Variants in ESRRG observed in about 807,000 individuals in gnomAD.
The protein encoded by ESRRG is estrogen-related receptor gamma.
Under a neutral mutation model 44.0 loss-of-function variants are expected in ESRRG, and 13 were observed. The ratio of observed to expected loss-of-function variants is 0.30; its 90% CI spans 0.19 to 0.47. ESRRG has a LOEUF of 0.47. Among genes scored for constraint, ESRRG ranks in the 20% least tolerant of loss-of-function variants. The pLI is 1.00. For synonymous variants in ESRRG, 215 were observed against 214.6 expected (o/e 1.00, Z -0.02); for missense variants, 395 against 580.6 (o/e 0.68, Z 3.29).
chr1:216,705,162 C>A (rs2082200631), intron 1 of ESRRG, among the ~76,000 whole-genome samples: 1 of 152,200 alleles, frequency 6.6e-6, no homozygotes. Context: ...TTTATCTAGG[C>A]ACAAAACACA....
chr1:216,890,691 G>A (rs2057660010), intron 2 of ESRRG, among the ~76,000 whole-genome samples: 1 of 152,116 alleles, frequency 6.6e-6, no homozygotes, highest in South Asian at 2.1e-4. Context: ...GTTCTCCATT[G>A]CCTAGATGGA....
At chr1:217,014,652 A>G (rs1483672977) in intron 1 of ESRRG, among the ~76,000 whole-genome samples, 2 of 152,176 alleles carry the variant, frequency 1.3e-5, no homozygotes, top group Non-Finnish European at 2.9e-5. Flanking sequence ...TGGGCGACCT[A>G]TAAGCTCCAT....
At chr1:216,578,665 C>A (rs1299869256) in intron 3 of ESRRG, among the ~76,000 whole-genome samples, 11 of 152,050 alleles carry the variant, frequency 7.2e-5, no homozygotes, top group African/African-American at 2.4e-4. Context: ...ATTACTGAAC[C>A]CCATTCATCT....
At chr1:216,779,490 AT>A (rs1559607734) in intron 2 of ESRRG, among the ~76,000 whole-genome samples, 103 of 3,920 alleles carry the variant, frequency 0.026, 11 homozygotes, top group African/African-American at 0.094. Flanking sequence ...ATATAAATAT[AT>A]ATTTATATAT....
intron 2 of ESRRG, among the ~76,000 whole-genome samples, chr1:216,902,014 T>C (rs576331078): frequency 5.9e-5 from 9 of 152,188 alleles, no homozygotes; most frequent in Non-Finnish European, 8.8e-5. Context: ...CTACCTGCCA[T>C]TGCCTCCCAA....
chr1:216,728,459 A>T (rs758751592), intron 2 of ESRRG, among the ~76,000 whole-genome samples: 2 of 150,760 alleles, frequency 1.3e-5, no homozygotes, highest in Non-Finnish European at 3.0e-5. Flanking sequence ...CATGTGTGTG[A>T]TAGTGTTGTC....
chr1:217,092,669 C>T (rs575195640), upstream of ESRRG, among the ~76,000 whole-genome samples: 1 of 152,336 alleles, frequency 6.6e-6, no homozygotes, highest in African/African-American at 2.4e-5. Flanking sequence ...AGTGTCGAAG[C>T]TTTCAACTCC....
At chr1:216,535,011 T>C (rs1238539727) in intron 5 of ESRRG, among the ~76,000 whole-genome samples, 1 of 152,154 alleles carries the variant, frequency 6.6e-6, no homozygotes, top group African/African-American at 2.4e-5. Context: ...AGCAGCAGGA[T>C]GCATGGAGGC....
At chr1:217,117,947 G>GT (rs758895214) in intron 1 of ESRRG, among the ~76,000 whole-genome samples, 4 of 152,278 alleles carry the variant, frequency 2.6e-5, no homozygotes, top group Non-Finnish European at 5.9e-5. Flanking sequence ...TTCACCAAAA[G>GT]TTGCACTGAC....
chr1:217,039,692 T>A (rs2083498933), intron 1 of ESRRG, among the ~76,000 whole-genome samples: 1 of 152,220 alleles, frequency 6.6e-6, no homozygotes, highest in Admixed American at 6.5e-5. Context: ...CTTCATTCAC[T>A]AAATCCATTA....
intron 1 of ESRRG, among the ~76,000 whole-genome samples, chr1:216,987,686 C>T (rs1020916135): frequency 2.0e-5 from 3 of 152,194 alleles, no homozygotes; most frequent in Non-Finnish European, 4.4e-5. Context: ...GCAGGAGTTG[C>T]CAGTGCCCCA....
At chr1:217,025,460 G>T (rs1043128126) in intron 1 of ESRRG, among the ~76,000 whole-genome samples, 8 of 151,984 alleles carry the variant, frequency 5.3e-5, no homozygotes, top group African/African-American at 1.9e-4. Context: ...TAACTTCTAG[G>T]GTAAATCAAT....
intron 2 of ESRRG, chr1:216,865,187 C>CA (rs548064265): frequency 0.028 from 1,398 of 49,190 alleles, 83 homozygotes; most frequent in African/African-American, 0.056. Context: ...AGCTGTGCAG[C>CA]AAAAAAAAAA....
At chr1:216,892,406 T>C (rs572756593) in intron 2 of ESRRG, among the ~76,000 whole-genome samples, 1 of 152,250 alleles carries the variant, frequency 6.6e-6, no homozygotes, top group East Asian at 1.9e-4. Context: ...AGTAAGAGCA[T>C]TGACTTCTGA....
intron 2 of ESRRG, among the ~76,000 whole-genome samples, chr1:216,915,799 G>A (rs1199704838): frequency 6.6e-6 from 1 of 152,172 alleles, no homozygotes; most frequent in Non-Finnish European, 1.5e-5. Context: ...AGCTTGCTGT[G>A]TGCACCAGAA....
chr1:216,780,450 A>C (rs1184240556), intron 2 of ESRRG, among the ~76,000 whole-genome samples: 1 of 152,056 alleles, frequency 6.6e-6, no homozygotes, highest in Non-Finnish European at 1.5e-5. Flanking sequence ...TTCTCATGGA[A>C]TCATACATAT....
intron 1 of ESRRG, among the ~76,000 whole-genome samples, chr1:216,982,756 G>A (rs2074172042): frequency 6.6e-6 from 1 of 152,142 alleles, no homozygotes; most frequent in African/African-American, 2.4e-5. Context: ...TAAGCAATAG[G>A]CAAAGAGGTT....
intron 1 of ESRRG, among the ~76,000 whole-genome samples, chr1:216,997,843 T>A (rs1486433310): frequency 6.6e-6 from 1 of 152,210 alleles, no homozygotes; most frequent in African/African-American, 2.4e-5. Flanking sequence ...CCCAAATTAT[T>A]ACATTACCAT....
intron 2 of ESRRG, among the ~76,000 whole-genome samples, chr1:216,936,166 G>A (rs1281120375): frequency 6.6e-6 from 1 of 152,000 alleles, no homozygotes; most frequent in Non-Finnish European, 1.5e-5. Context: ...GGAATGTGAA[G>A]GTTGGGGGTG....
Sources: allele counts gnomAD v4.1 joint callset (sites outside exome capture counted in the v4.1 genomes callset), GRCh38; gene constraint gnomAD v4.1.1; transcripts MANE v1.5; gene names NCBI Gene and HGNC (gene_info 2026-07-23, HGNC 2026-07-21).